PIGK: variants seen among roughly 807,000 people sequenced by gnomAD.
The protein encoded by PIGK is phosphatidylinositol glycan anchor biosynthesis class K.
In PIGK, 42 loss-of-function variants were observed where a neutral mutation model predicts 50.6. The ratio of observed to expected loss-of-function variants is 0.83; its 90% confidence interval spans 0.65 to 1.07. The LOEUF is 1.07. Among genes scored for constraint, PIGK ranks in the 50% least tolerant of loss-of-function variants. The pLI, the probability that PIGK is intolerant of heterozygous loss-of-function variation, is 0.00. For missense variants in PIGK, 448 were observed against 488.7 expected (o/e 0.92, Z 0.78); for synonymous variants, 151 against 156.0 (o/e 0.97, Z 0.24).
intron 1 of PIGK, among the ~76,000 whole-genome samples, chr1:77,211,952 C>A (rs1322700479): frequency 1.3e-5 from 2 of 151,752 alleles, no homozygotes; most frequent in African/African-American, 4.8e-5. Context: ...TATTTCATGT[C>A]TTCATTCTAC....
intron 1 of PIGK, among the ~76,000 whole-genome samples, chr1:77,217,443 G>C (rs1010787876): frequency 6.6e-6 from 1 of 152,160 alleles, no homozygotes; most frequent in African/African-American, 2.4e-5. Context: ...CTAGAAGTTT[G>C]AAAGAGAAAG....
chr1:77,215,894 TG>T (rs1316896076), intron 1 of PIGK, among the ~76,000 whole-genome samples: 1 of 152,126 alleles, frequency 6.6e-6, no homozygotes. Context: ...TTTAAAAACT[TG>T]ATCTCATGGA....
intron 3 of PIGK, among the ~76,000 whole-genome samples, chr1:77,176,307 G>A (rs1655489389): frequency 1.3e-5 from 2 of 152,108 alleles, no homozygotes; most frequent in Non-Finnish European, 2.9e-5. Flanking sequence ...GAATCCAAAA[G>A]ACAGGTAAAC....
At chr1:77,136,272 G>A (rs1404441590) in intron 9 of PIGK, among the ~76,000 whole-genome samples, 4 of 152,058 alleles carry the variant, frequency 2.6e-5, no homozygotes, top group African/African-American at 9.7e-5. Context: ...GCTCACGCCT[G>A]TAATCCCAGC....
intron 10 of PIGK, 72 bp downstream of exon 10, chr1:77,122,203 C>T: frequency 2.0e-6 from 2 of 996,866 alleles, no homozygotes; most frequent in East Asian, 2.4e-5. Context: ...TTCTGAAAAA[C>T]CTAACAAAAG....
At chr1:77,103,337 T>C (rs77462226) in intron 10 of PIGK, among the ~76,000 whole-genome samples, 2,178 of 152,294 alleles carry the variant, frequency 0.014, 49 homozygotes, top group African/African-American at 0.05. Flanking sequence ...TATTTTTTAG[T>C]TCTTAACTGA....
At chr1:77,193,039 T>C (rs745356384) in intron 3 of PIGK, among the ~76,000 whole-genome samples, 2 of 152,190 alleles carry the variant, frequency 1.3e-5, no homozygotes, top group South Asian at 2.1e-4. Flanking sequence ...AGAGCACCTT[T>C]TACTGAATTG....
chr1:77,096,383 C>T (rs1322933482), intron 10 of PIGK, among the ~76,000 whole-genome samples: 3 of 152,128 alleles, frequency 2.0e-5, no homozygotes, highest in Admixed American at 6.5e-5. Context: ...ATCTATATCC[C>T]TATCCTTTGA....
chr1:77,112,989 T>C (rs1653887609), intron 10 of PIGK, among the ~76,000 whole-genome samples: 1 of 152,130 alleles, frequency 6.6e-6, no homozygotes, highest in Non-Finnish European at 1.5e-5. Context: ...TGATACATTT[T>C]GGCATAAGGG....
At chr1:77,188,107 A>C (rs1655793204) in intron 3 of PIGK, among the ~76,000 whole-genome samples, 2 of 152,348 alleles carry the variant, frequency 1.3e-5, no homozygotes, top group Middle Eastern at 3.4e-3. Context: ...TGTTTGAGCA[A>C]TATGAAATGT....
intron 9 of PIGK, among the ~76,000 whole-genome samples, chr1:77,131,430 G>A (rs1026992664): frequency 2.0e-5 from 3 of 151,912 alleles, no homozygotes; most frequent in African/African-American, 7.2e-5. Context: ...GACTTTTTGT[G>A]CAGTAACAAA....
Position 77,092,339 on chromosome 1 carries a change from G to T in PIGK, c.*35C>A. ...ATGACATAAATTATTATCCAAGTTT[G>T]CAGTCCTCCATGCATTCTTCATTCA... On this transcript the variant is annotated 3_prime_UTR_variant, in exon 11 of 11. Coordinates refer to ENST00000370812, the MANE Select transcript of PIGK (RefSeq NM_005482.3). The T allele has an allele frequency of 2.4e-6, 2 of 836,652 alleles. No homozygotes were observed. The highest frequency in any genetic ancestry group is 3.9e-6 in the Non-Finnish European group (2 of 517,130). The allele number at this position is 836,652 out of a possible 1,614,324, so 51.8% of individuals were successfully genotyped here.
chr1:77,091,513 T>C lies in PIGK; in HGVS notation c.*861A>G, dbSNP rs986722786. 23 of 152,098 alleles carry C rather than the reference T, an allele frequency of 1.5e-4. No individual in the cohort carries two copies. The highest frequency in any genetic ancestry group is 5.1e-4 in the African/African-American group (21 of 41,426). The allele number at this position is 152,098 out of a possible 1,614,324, so 9.4% of individuals were successfully genotyped here. On this transcript the variant is annotated 3_prime_UTR_variant, in exon 11 of 11. Coordinates refer to ENST00000370812, the MANE Select transcript of PIGK (RefSeq NM_005482.3). Reference sequence around the variant, plus strand: ...TCCTTGTTGGCTCTCTCTTTCAAGATGGAAAATGAAGAGGACGTGACCAAT... The same window carrying C: ...TCCTTGTTGGCTCTCTCTTTCAAGACGGAAAATGAAGAGGACGTGACCAAT...
chr1:77,126,668 T>C (rs1004476219), intron 9 of PIGK, among the ~76,000 whole-genome samples: 2 of 152,268 alleles, frequency 1.3e-5, no homozygotes, highest in African/African-American at 2.4e-5. Context: ...CTTAAGGTCA[T>C]CCATACATTC....
chr1:77,146,465 C>T (rs906388611), intron 9 of PIGK, among the ~76,000 whole-genome samples: 1 of 152,004 alleles, frequency 6.6e-6, no homozygotes, highest in Non-Finnish European at 1.5e-5. Context: ...AGTTTTAGAT[C>T]AGCCTGGATA....
chr1:77,195,500 C>A, intron 3 of PIGK: 1 of 643,592 alleles, frequency 1.6e-6, no homozygotes, highest in Non-Finnish European at 2.5e-6. Flanking sequence ...TAAAATGGCA[C>A]ACAGTTTTAC....
At chr1:77,177,744 T>G (rs1655519600) in intron 3 of PIGK, among the ~76,000 whole-genome samples, 1 of 152,148 alleles carries the variant, frequency 6.6e-6, no homozygotes, top group Non-Finnish European at 1.5e-5. Flanking sequence ...GGCACCCTTC[T>G]GTCTAGAACC....
chr1:77,166,143 G>A (rs1655228124), intron 5 of PIGK, among the ~76,000 whole-genome samples: 1 of 152,108 alleles, frequency 6.6e-6, no homozygotes, highest in African/African-American at 2.4e-5. Flanking sequence ...ATTATTATGT[G>A]TAATACATAT....
At chr1:77,169,781 T>C (rs1655320135) in intron 3 of PIGK, among the ~76,000 whole-genome samples, 1 of 152,254 alleles carries the variant, frequency 6.6e-6, no homozygotes, top group Non-Finnish European at 1.5e-5. Context: ...ACTGTCTTCC[T>C]TAAGCATCAA....
Sources: allele counts gnomAD v4.1 joint callset (sites outside exome capture counted in the v4.1 genomes callset), GRCh38; gene constraint gnomAD v4.1.1; transcripts MANE v1.5; gene names NCBI Gene and HGNC (gene_info 2026-07-23, HGNC 2026-07-21).